The following COQ10B variants were observed in gnomAD, a reference collection of about 807,000 sequenced individuals.
COQ10B encodes coenzyme Q-binding protein COQ10 homolog B, mitochondrial.
COQ10B carries 12 observed loss-of-function variants against 27.6 expected under a neutral mutation model. That is an observed-to-expected ratio of 0.43 (90% CI 0.28 to 0.70). The LOEUF (loss-of-function observed/expected upper bound fraction) is 0.70, where lower values mean the gene tolerates loss of function less well. Ranked by LOEUF, COQ10B falls within the 30% of genes least tolerant of loss-of-function variation. COQ10B has a pLI of 0.17. For missense variants in COQ10B, 278 were observed against 288.7 expected (o/e 0.96, Z 0.27); for synonymous variants, 115 against 103.0 (o/e 1.12, Z -0.71).
chr2:197,457,412 A>T (rs1254196669), intron 1 of COQ10B, among the ~76,000 whole-genome samples: 1 of 152,232 alleles, frequency 6.6e-6, no homozygotes, highest in South Asian at 2.1e-4. Flanking sequence ...TATGCATTGT[A>T]TGTATCGAAA....
At position 197,453,674 on chromosome 2, in the gene COQ10B, A is replaced by G. The variant is rs1166501820; in HGVS notation, c.104+10A>G. 6.8e-6 allele frequency: 11 copies of G among 1,608,870 alleles called. No individual in the cohort carries two copies. The highest frequency in any genetic ancestry group is 9.4e-6 in the Non-Finnish European group (11 of 1,175,672). ...CCGTGCGGAATGGCAGGTAATCAAC[A>G]GCGGGGGCGCTGAGACGAGAGTAGT... On this transcript the variant is annotated intron_variant, in intron 1 of 4. Coordinates refer to ENST00000263960, the MANE Select transcript of COQ10B (RefSeq NM_025147.5).
Position 197,470,633 on chromosome 2 carries a change from A to G in COQ10B, c.549+462A>G, listed in dbSNP as rs560945602. Among the ~76,000 whole-genome samples the G allele has an allele frequency of 7.2e-5, 11 of 152,188 alleles. No homozygotes were observed. In the South Asian group the frequency reaches 2.1e-3, roughly 29 times the overall value. On this transcript the variant is annotated intron_variant, in intron 4 of 4. Transcript: ENST00000263960. ...TTATCGGCTGGATGGGGTGGCTCACACCTATAACCCTAGCACTTTGGGAGG... is the reference window on the plus strand; with the variant it reads ...TTATCGGCTGGATGGGGTGGCTCACGCCTATAACCCTAGCACTTTGGGAGG...
At position 197,473,800 on chromosome 2, in the gene COQ10B, C is replaced by G; in HGVS notation, c.593C>G (p.Thr198Arg). The part of the protein sequence containing the change: ...FRSLLHSQLA[T>R]LFFDEVVKQM... Reference sequence around the variant, plus strand: ...TCACTTCTACATTCCCAGCTTGCCACACTCTTTTTTGATGAAGTTGTGAAG... The same window carrying G: ...TCACTTCTACATTCCCAGCTTGCCAGACTCTTTTTTGATGAAGTTGTGAAG... The change falls in exon 5 of 5, where the codon ACA becomes AGA. Residue 198 changes from threonine (T) to arginine (R), a missense_variant. Physicochemically the swap from Thr to Arg is moderately conservative, Grantham distance 71 (BLOSUM62 -1). Transcript: ENST00000263960. 6.3e-7 allele frequency: 1 copy of G among 1,593,802 alleles called. No individual in the cohort carries two copies. Among genetic ancestry groups the G allele is most frequent in the Non-Finnish European group, 8.6e-7 (1 of 1,168,064 alleles).
At chr2:197,459,559 A>AG (rs1411660527) in intron 1 of COQ10B, among the ~76,000 whole-genome samples, 3 of 152,194 alleles carry the variant, frequency 2.0e-5, no homozygotes, top group Non-Finnish European at 4.4e-5. Context: ...TCAAGAATTA[A>AG]GAAACACCTG....
chr2:197,471,941 CAA>C (rs200758529), intron 4 of COQ10B, among the ~76,000 whole-genome samples: 25 of 93,560 alleles, frequency 2.7e-4, no homozygotes, highest in Non-Finnish European at 2.4e-4. Context: ...GACACTGTCT[CAA>C]AAAAAAAAAA....
chr2:197,465,531 ATCTG>A (rs2085815892), intron 3 of COQ10B, among the ~76,000 whole-genome samples: 1 of 151,290 alleles, frequency 6.6e-6, no homozygotes, highest in Non-Finnish European at 1.5e-5. Flanking sequence ...ACCTCAGGTG[ATCTG>A]TCTGCCTTGG....
intron 3 of COQ10B, among the ~76,000 whole-genome samples, chr2:197,465,123 G>A (rs987432047): frequency 6.6e-6 from 1 of 151,982 alleles, no homozygotes; most frequent in Admixed American, 6.6e-5. Context: ...CTGACCTCAT[G>A]GTCTGCCTGC....
At chr2:197,462,972 A>C (rs563333809) in intron 3 of COQ10B, among the ~76,000 whole-genome samples, 1 of 152,182 alleles carries the variant, frequency 6.6e-6, no homozygotes, top group African/African-American at 2.4e-5. Context: ...ATTGAGGACT[A>C]CTGACCCACA....
In COQ10B at chr2:197,453,635, C is replaced by A. The variant is rs558307879; in HGVS notation, c.75C>A (p.Ala25=). Residue 25 remains alanine (A), a synonymous_variant, in exon 1 of 5, where the codon GCC becomes GCA. Coordinates refer to ENST00000263960, the MANE Select transcript of COQ10B (RefSeq NM_025147.5). ...GCCGTCCGAAGTCGGCGACAGCGGC[C>A]GGGGCGCAGGCGCCCGTGCGGAATG... ...SGCRPKSATA[A]GAQAPVRNGR... is the part of the protein sequence containing the mutation. 1.1e-5 allele frequency: 17 copies of A among 1,613,948 alleles called. No homozygotes were observed. In the East Asian group the frequency reaches 1.8e-4, roughly 17 times the overall value.
intron 1 of COQ10B, among the ~76,000 whole-genome samples, chr2:197,457,643 G>A (rs1205855231): frequency 3.4e-5 from 5 of 148,858 alleles, no homozygotes; most frequent in African/African-American, 5.0e-5. Flanking sequence ...TTTTTGAGAC[G>A]GGGAGTCTTG....
chr2:197,468,207 G>A (rs956697601), intron 3 of COQ10B, among the ~76,000 whole-genome samples: 2 of 151,882 alleles, frequency 1.3e-5, no homozygotes, highest in Non-Finnish European at 1.5e-5. Flanking sequence ...TTGGAAGGCC[G>A]AGGCGGGGGG....
intron 1 of COQ10B, among the ~76,000 whole-genome samples, chr2:197,454,522 A>T (rs527826953): frequency 1.1e-4 from 17 of 152,150 alleles, no homozygotes; most frequent in Non-Finnish European, 2.1e-4. Flanking sequence ...GAATTTTTAA[A>T]AACACCAACA....
chr2:197,462,463 A>G, intron 2 of COQ10B, 76 bp from the exon 3 acceptor site: 1 of 742,164 alleles, frequency 1.3e-6, no homozygotes, highest in Non-Finnish European at 2.2e-6. Context: ...AGTTTTATAC[A>G]TATTCACTTT....
chr2:197,464,670 A>G (rs1172805215), intron 3 of COQ10B, among the ~76,000 whole-genome samples: 1 of 152,092 alleles, frequency 6.6e-6, no homozygotes, highest in Non-Finnish European at 1.5e-5. Flanking sequence ...GAATTACTCA[A>G]ATTTTCACAA....
At chr2:197,461,715 A>C (rs1417147572) in intron 2 of COQ10B, among the ~76,000 whole-genome samples, 1 of 151,470 alleles carries the variant, frequency 6.6e-6, no homozygotes, top group Non-Finnish European at 1.5e-5. Context: ...ATCTTCACTC[A>C]CTGCAACCTC....
chr2:197,471,441 C>G (rs1029504050), intron 4 of COQ10B, among the ~76,000 whole-genome samples: 1 of 152,110 alleles, frequency 6.6e-6, no homozygotes, highest in Admixed American at 6.5e-5. Flanking sequence ...CGCACCCAGC[C>G]TAGTAACTTT....
chr2:197,463,632 A>G (rs1180062889), intron 3 of COQ10B, among the ~76,000 whole-genome samples: 2 of 150,508 alleles, frequency 1.3e-5, no homozygotes, highest in East Asian at 4.0e-4. Flanking sequence ...AAAAATGAAA[A>G]GAAAAAATAT....
chr2:197,454,268 T>G lies in COQ10B; in HGVS notation c.104+604T>G, dbSNP rs2085671877. On this transcript the variant is annotated intron_variant, in intron 1 of 4. Transcript: ENST00000263960. ...CCTGGTTGGTTCATTTTTTGGTAGG[T>G]GGGGGTGGAGATGGAGGTCGGGACA... 7.4e-6 allele frequency: 6 copies of G among 808,278 alleles called. No individual in the cohort carries two copies. The South Asian group carries it at 1.2e-4, about 16-fold the overall frequency. 50.1% of individuals were successfully genotyped at this position (808,278 alleles called of 1,614,324 possible).
At chr2:197,469,101 T>A (rs192344714) in intron 3 of COQ10B, among the ~76,000 whole-genome samples, 1 of 152,172 alleles carries the variant, frequency 6.6e-6, no homozygotes, top group East Asian at 1.9e-4. Flanking sequence ...GTGGCGTAAT[T>A]ATAGCTCACT....
Sources: gnomAD v4.1 joint callset for allele counts (sites outside exome capture counted in the v4.1 genomes callset) on GRCh38, gnomAD v4.1.1 for gene constraint, MANE v1.5 for transcripts, NCBI Gene and HGNC (gene_info 2026-07-23, HGNC 2026-07-21) for gene names.